Variants in ANXA13 observed in about 807,000 individuals in gnomAD.
ANXA13 encodes the protein annexin XIII.
A neutral mutation model predicts 46.6 loss-of-function variants in ANXA13; 36 were observed. That is an observed-to-expected ratio of 0.77 (90% CI 0.59 to 1.02). ANXA13 has a LOEUF of 1.02. ANXA13 is among the 50% of genes least tolerant of loss of function. The pLI, the probability that ANXA13 is intolerant of heterozygous loss-of-function variation, is 0.00. For synonymous variants in ANXA13, 163 were observed against 152.9 expected, an observed-to-expected ratio of 1.07 and a Z score of -0.49; for missense variants, 417 against 396.5, an observed-to-expected ratio of 1.05 and a Z score of -0.44.
intron 1 of ANXA13, among the ~76,000 whole-genome samples, chr8:123,714,249 C>A (rs190226178): frequency 5.9e-5 from 9 of 152,290 alleles, no homozygotes; most frequent in Non-Finnish European, 1.3e-4. Context: ...CCTTGGTCAC[C>A]AATGTAGGCA....
At chr8:123,730,572 ATT>A (rs1012618186) in intron 1 of ANXA13, among the ~76,000 whole-genome samples, 1 of 152,180 alleles carries the variant, frequency 6.6e-6, no homozygotes, top group Non-Finnish European at 1.5e-5. Context: ...CAGCCGCAGA[ATT>A]CACCTTATTT....
chr8:123,713,473 A>C (rs1249897400), intron 1 of ANXA13, among the ~76,000 whole-genome samples: 1 of 152,176 alleles, frequency 6.6e-6, no homozygotes, highest in African/African-American at 2.4e-5. Context: ...GTTTTTACTT[A>C]AAGTTATCTT....
chr8:123,728,211 G>C (rs990376980), intron 1 of ANXA13: 1 of 152,164 alleles, frequency 6.6e-6, no homozygotes, highest in Non-Finnish European at 1.5e-5. Context: ...TTTGTGTCCT[G>C]GGGAAAATGA....
At chr8:123,726,233 G>T (rs2065794177) in intron 1 of ANXA13, among the ~76,000 whole-genome samples, 1 of 152,158 alleles carries the variant, frequency 6.6e-6, no homozygotes, top group Non-Finnish European at 1.5e-5. Flanking sequence ...ATGAAGATTG[G>T]TATAGTTAGG....
intron 2 of ANXA13, among the ~76,000 whole-genome samples, chr8:123,710,300 A>G (rs1813631268): frequency 1.3e-5 from 2 of 152,218 alleles, no homozygotes; most frequent in Non-Finnish European, 2.9e-5. Flanking sequence ...TGAAATGTCC[A>G]GAATAAGCAA....
intron 2 of ANXA13, among the ~76,000 whole-genome samples, chr8:123,705,657 G>A (rs531563544): frequency 6.6e-6 from 1 of 152,328 alleles, no homozygotes; most frequent in Admixed American, 6.5e-5. Context: ...ACTTACTGCT[G>A]TCTTGCTCTG....
rs114380495 is a variant in ANXA13 at position 123,718,418 on chromosome 8, A to T, written c.16-5665T>A. On this transcript the variant is annotated intron_variant, in intron 1 of 10. Coordinates refer to ENST00000419625, the MANE Select transcript of ANXA13 (RefSeq NM_004306.4). ...TGCGGAGTCCAGGTGGCCTGGCATGATGTCCCAACATCACACCTTGTTAAC... is the reference window on the plus strand; with the variant it reads ...TGCGGAGTCCAGGTGGCCTGGCATGTTGTCCCAACATCACACCTTGTTAAC... 2.3e-3 allele frequency among the ~76,000 whole-genome samples: 345 copies of T among 152,308 alleles called. 5 individuals carry two copies. The highest frequency in any genetic ancestry group is 7.8e-3 in the African/African-American group (324 of 41,566).
chr8:123,702,311 C>G (rs947181201), intron 3 of ANXA13, among the ~76,000 whole-genome samples: 2 of 151,854 alleles, frequency 1.3e-5, no homozygotes, highest in African/African-American at 2.4e-5. Flanking sequence ...GTATAAAGAC[C>G]CACTTGTGGA....
At chr8:123,717,846 C>T (rs1419547863) in intron 1 of ANXA13, among the ~76,000 whole-genome samples, 1 of 152,234 alleles carries the variant, frequency 6.6e-6, no homozygotes, top group Non-Finnish European at 1.5e-5. Context: ...TACGTAACCA[C>T]GCCACGTGAG....
intron 1 of ANXA13, among the ~76,000 whole-genome samples, chr8:123,723,575 G>A (rs375090947): frequency 1.3e-5 from 2 of 152,144 alleles, no homozygotes; most frequent in African/African-American, 2.4e-5. Context: ...TCTGCTTGGC[G>A]AGATCATGCT....
chr8:123,696,916 A>C (rs1257073604), intron 4 of ANXA13, among the ~76,000 whole-genome samples: 3 of 152,120 alleles, frequency 2.0e-5, no homozygotes. Context: ...AATATATATG[A>C]ATATATTTTT....
chr8:123,688,939 C>T lies in ANXA13; in HGVS notation c.650G>A (p.Gly217Asp). The change falls in exon 9 of 11, where the codon GGC (glycine) becomes GAC (aspartate). Residue 217 changes from glycine to aspartate, a missense_variant. Coordinates refer to ENST00000419625, the MANE Select transcript of ANXA13 (RefSeq NM_004306.4). ...TTCAATGGCTTCTTCTATGTCTTTG[C>T]CAATGAGCTGCAGCGAAAACCAAAA... ...ATFQAYQILI[G>D]KDIEEAIEEE... 1 of 1,613,618 alleles carries T rather than the reference C, an allele frequency of 6.2e-7. No homozygotes were observed. The highest frequency in any genetic ancestry group is 8.5e-7 in the Non-Finnish European group (1 of 1,179,716).
At chr8:123,712,450 C>G (rs1529620) in intron 2 of ANXA13, 9 of 561,820 alleles carry the variant, frequency 1.6e-5, no homozygotes, top group Non-Finnish European at 2.9e-5. Flanking sequence ...TCAAATTAAA[C>G]GTCACAATAT....
chr8:123,705,419 T>C (rs1258483453), intron 2 of ANXA13, among the ~76,000 whole-genome samples: 4 of 152,258 alleles, frequency 2.6e-5, no homozygotes, highest in Non-Finnish European at 5.9e-5. Context: ...GGTGTCATGC[T>C]ACTCTTCTAG....
intron 1 of ANXA13, among the ~76,000 whole-genome samples, chr8:123,715,362 T>G (rs2129905385): frequency 1.3e-5 from 2 of 152,318 alleles, no homozygotes; most frequent in Middle Eastern, 3.4e-3. Flanking sequence ...AAGTGGCAAC[T>G]TCGAAATAGT....
intron 1 of ANXA13, among the ~76,000 whole-genome samples, chr8:123,721,476 T>C (rs1181172673): frequency 6.6e-6 from 1 of 152,208 alleles, no homozygotes; most frequent in African/African-American, 2.4e-5. Context: ...TCAAGAGCGC[T>C]TGGCAGGATA....
intron 2 of ANXA13, 51 bp downstream of exon 2, chr8:123,712,627 C>A (rs370718427): frequency 4.6e-5 from 71 of 1,527,774 alleles, no homozygotes; most frequent in Non-Finnish European, 5.5e-5. Context: ...GGACATGAGA[C>A]CAAGTTTAAT....
chr8:123,737,331 C>G lies in ANXA13; in HGVS notation c.4G>C (p.Gly2Arg). 2 of 1,610,328 alleles carry G rather than the reference C, an allele frequency of 1.2e-6. No individual in the cohort carries two copies. The highest frequency in any genetic ancestry group is 1.7e-6 in the Non-Finnish European group (2 of 1,177,956). MGNRHAKASSPQ... is the reference protein window; with the variant it reads MRNRHAKASSPQ... ...CAATGAGTACTTACATGACGATTGC[C>G]CATTTTCCTTTTTCTGAGATGGTTT... Residue 2 changes from glycine (G) to arginine (R), a missense_variant, in exon 1 of 11, where the codon GGC becomes CGC. Coordinates refer to ENST00000419625, the MANE Select transcript of ANXA13 (RefSeq NM_004306.4).
chr8:123,706,345 T>C (rs1813539469), intron 2 of ANXA13, among the ~76,000 whole-genome samples: 1 of 152,252 alleles, frequency 6.6e-6, no homozygotes, highest in African/African-American at 2.4e-5. Context: ...TTCAGGCCAC[T>C]CCTGTCCCAG....
Sources: gnomAD v4.1 joint callset for allele counts (sites outside exome capture counted in the v4.1 genomes callset) on GRCh38, gnomAD v4.1.1 for gene constraint, MANE v1.5 for transcripts, NCBI Gene and HGNC (gene_info 2026-07-23, HGNC 2026-07-21) for gene names.